The following ZNF619 variants were observed in gnomAD, a reference collection of about 807,000 sequenced individuals.
ZNF619 encodes the protein zinc finger protein 619.
In ZNF619, 9 loss-of-function variants were observed where a neutral mutation model predicts 14.2. The observed-to-expected ratio is 0.64, with a 90% CI of 0.38 to 1.11. The LOEUF is 1.11. Ranked by LOEUF, ZNF619 falls within the 50% of genes least tolerant of loss-of-function variation. The pLI is 0.01. For synonymous variants in ZNF619, 246 were observed against 252.8 expected (o/e 0.97, Z 0.26); for missense variants, 659 against 680.1 (o/e 0.97, Z 0.34).
chr3:40,483,670 C>A, intron 4 of ZNF619: 1 of 450,250 alleles, frequency 2.2e-6, no homozygotes, highest in Non-Finnish European at 4.4e-6. Context: ...CTTTTGTTGC[C>A]CAGGCTGGAG....
intron 4 of ZNF619, among the ~76,000 whole-genome samples, chr3:40,483,046 CAATA>C (rs145817902): frequency 0.028 from 4,244 of 152,084 alleles, 211 homozygotes; most frequent in African/African-American, 0.097. Flanking sequence ...CCTGTCACTA[CAATA>C]AATAAATAAA....
Position 40,487,799 on chromosome 3 carries a change from GC to G in ZNF619, c.1291del (p.Gln431ArgfsTer83). On this transcript the variant is annotated frameshift_variant, in exon 5 of 5. Transcript: ENST00000432264. LOFTEE classifies it low-confidence loss of function (END_TRUNC). ...RIHNGEKPYE[C>X]QECGKTFSQK... ...CACAATGGGGAGAAACCCTATGAAT[GC>G]CAGGAATGTGGGAAGACATTCAGTC... 1 of 1,614,192 alleles carries G rather than the reference GC, an allele frequency of 6.2e-7. No homozygotes were observed. Among genetic ancestry groups the G allele is most frequent in the Non-Finnish European group, 8.5e-7 (1 of 1,180,030 alleles).
At chr3:40,482,336 C>T (rs1697430800) in intron 3 of ZNF619, 2 of 1,554,388 alleles carry the variant, frequency 1.3e-6, no homozygotes, top group African/African-American at 2.7e-5. Flanking sequence ...TGATCTTGGC[C>T]CTATTGCCTA....
chr3:40,480,418 C>G (rs1467269149), intron 2 of ZNF619, among the ~76,000 whole-genome samples: 1 of 151,932 alleles, frequency 6.6e-6, no homozygotes, highest in Non-Finnish European at 1.5e-5. Context: ...TATTCTGCTT[C>G]TCATCAAAAT....
rs1196166139 is a variant in ZNF619, at chr3:40,490,264, C to T, written c.*2023C>T. 2 of 152,132 alleles carry T rather than the reference C, an allele frequency of 1.3e-5. No individual in the cohort carries two copies. The highest frequency in any genetic ancestry group is 1.9e-4 in the East Asian group (1 of 5,198). The allele number at this position is 152,132 out of a possible 1,614,324, so 9.4% of individuals were successfully genotyped here. On this transcript the variant is annotated 3_prime_UTR_variant, in exon 5 of 5. Coordinates refer to ENST00000432264, the MANE Select transcript of ZNF619 (RefSeq NM_001145093.4). ...CCAGTCTATGGTATTCAGTTAGAGC[C>T]ACACAAAATGTAACAAGACAGAATA...
chr3:40,487,238 A>G lies in ZNF619; in HGVS notation c.728A>G (p.Tyr243Cys). Residue 243 changes from tyrosine (Y) to cysteine (C), a missense_variant, in exon 5 of 5, where the codon TAT (tyrosine) becomes TGT (cysteine). Tyr to Cys is a radical substitution (Grantham distance 194, BLOSUM62 -2). Transcript: ENST00000432264. ...TCKECGKTFR[Y>C]NSKLSRHQKI... ...AAAGAATGTGGGAAAACCTTCAGAT[A>G]TAACTCAAAACTGTCACGGCATCAG... 6.2e-7 allele frequency: 1 copy of G among 1,614,238 alleles called. No individual in the cohort carries two copies.
Position 40,487,944 on chromosome 3 carries a change from T to C in ZNF619, c.1434T>C (p.His478=). The C allele has an allele frequency of 1.2e-6, 2 of 1,614,174 alleles. No individual in the cohort carries two copies. Among genetic ancestry groups the C allele is most frequent in the Non-Finnish European group, 1.7e-6 (2 of 1,180,020 alleles). Residue 478 remains histidine (H), a synonymous_variant, in exon 5 of 5, where the codon CAT becomes CAC. Transcript: ENST00000432264. The stretch of plus-strand genomic sequence containing the variant: ...GTTTCATCCAGCATCAGAAGTGGCA[T>C]ACTAGGAAGAAACTCATCAATGGAA... ...NASFIQHQKW[H]TRKKLINGTG...
intron 3 of ZNF619, 86 bp from the exon 4 acceptor site, chr3:40,482,502 A>G (rs1697438577): frequency 1.3e-6 from 2 of 1,558,118 alleles, no homozygotes; most frequent in South Asian, 1.1e-5. Context: ...ATCCTCTTCT[A>G]TTTTCATCTG....
Position 40,487,028 on chromosome 3 carries a change from C to T in ZNF619, c.518C>T (p.Thr173Ile), listed in dbSNP as rs2125643403. 6.2e-7 allele frequency: 1 copy of T among 1,614,124 alleles called. No individual in the cohort carries two copies. The highest frequency in any genetic ancestry group is 8.5e-7 in the Non-Finnish European group (1 of 1,180,018). The change falls in exon 5 of 5, where the codon ACT (threonine) becomes ATT (isoleucine). Residue 173 changes from threonine (T) to isoleucine (I), a missense_variant. By Grantham distance (89) the Thr-to-Ile change is moderately conservative (BLOSUM62 -1). Coordinates refer to ENST00000432264, the MANE Select transcript of ZNF619 (RefSeq NM_001145093.4). ...LTVQDHESSTTEREEIARKLE... is the reference protein window; with the variant it reads ...LTVQDHESSTIEREEIARKLE... ...GTCCAGGATCATGAATCTTCCACCA[C>T]TGAAAGGGAGGAGATAGCCAGGAAA...
chr3:40,480,713 G>C (rs1478091179), intron 2 of ZNF619, among the ~76,000 whole-genome samples: 1 of 152,074 alleles, frequency 6.6e-6, no homozygotes, highest in Non-Finnish European at 1.5e-5. Context: ...TGTTAGCCAG[G>C]ATGGTCTTGA....
rs1559542615 is a variant in ZNF619 at position 40,488,979 on chromosome 3, G to A, written c.*738G>A. ...TGGCCTGCTTTCAGGAGTTAAGGAG[G>A]GCCATTTGGTGGACCAGGGGCAAGG... is the stretch of plus-strand genomic sequence containing the variant. On this transcript the variant is annotated 3_prime_UTR_variant, in exon 5 of 5. Coordinates refer to ENST00000432264, the MANE Select transcript of ZNF619 (RefSeq NM_001145093.4). The A allele has an allele frequency of 6.6e-6, 1 of 151,774 alleles. No individual in the cohort carries two copies. Among genetic ancestry groups the A allele is most frequent in the Non-Finnish European group, 1.5e-5 (1 of 67,984 alleles). The allele number at this position is 151,774 out of a possible 1,614,324, so 9.4% of individuals were successfully genotyped here.
rs1480923640 is a variant in ZNF619, at chr3:40,487,565, G to A, written c.1055G>A (p.Ser352Asn). ...KPYECKECGK[S>N]LSSNSVLIQH... is the part of the protein sequence containing the mutation. ...TATGAATGTAAGGAGTGTGGGAAGA[G>A]TTTGAGTTCTAATTCAGTTCTGATT... The change falls in exon 5 of 5, where the codon AGT becomes AAT. Residue 352 changes from serine to asparagine, a missense_variant. Physicochemically the swap from Ser to Asn is conservative, Grantham distance 46. Coordinates refer to ENST00000432264, the MANE Select transcript of ZNF619 (RefSeq NM_001145093.4). The A allele has an allele frequency of 5.0e-6, 8 of 1,613,634 alleles. No homozygotes were observed. The highest frequency in any genetic ancestry group is 6.8e-6 in the Non-Finnish European group (8 of 1,179,928).
At position 40,477,479 on chromosome 3, in the gene ZNF619, T is replaced by C. The variant is rs551061238; in HGVS notation, c.-63+122T>C. Reference sequence around the variant, plus strand: ...GCTGGGACATTAAGCGTCTTACCCTTGTCACCCGGGGCTGGGTCACCACTT... The same window carrying C: ...GCTGGGACATTAAGCGTCTTACCCTCGTCACCCGGGGCTGGGTCACCACTT... On this transcript the variant is annotated intron_variant, in intron 1 of 4. Transcript: ENST00000432264. 8 of 161,328 alleles carry C rather than the reference T, an allele frequency of 5.0e-5. No individual in the cohort carries two copies. In the South Asian group the frequency reaches 1.2e-3, roughly 25 times the overall value. 10.0% of individuals were successfully genotyped at this position (161,328 alleles called of 1,614,324 possible).
chr3:40,487,014 T>C lies in ZNF619; in HGVS notation c.504T>C (p.His168=). 6.2e-7 allele frequency: 1 copy of C among 1,614,138 alleles called. No homozygotes were observed. Among genetic ancestry groups the C allele is most frequent in the Non-Finnish European group, 8.5e-7 (1 of 1,180,006 alleles). ...GDCTDLTVQD[H]ESSTTEREEI... ...GCACAGATTTGACAGTCCAGGATCA[T>C]GAATCTTCCACCACTGAAAGGGAGG... Residue 168 remains histidine, a synonymous_variant, in exon 5 of 5, where the codon CAT becomes CAC. Coordinates refer to ENST00000432264, the MANE Select transcript of ZNF619 (RefSeq NM_001145093.4).
Position 40,487,598 on chromosome 3 carries a change from A to C in ZNF619, c.1088A>C (p.Gln363Pro). ...TCTAATTCAGTTCTGATTCAGCATC[A>C]GAGAATCCACACTGGGGAGAAACCT... ...LSSNSVLIQH[Q>P]RIHTGEKPYE... The change falls in exon 5 of 5, where the codon CAG (glutamine) becomes CCG (proline). Residue 363 changes from glutamine to proline, a missense_variant. Gln to Pro is a moderately conservative substitution (Grantham distance 76, BLOSUM62 -1). Coordinates refer to ENST00000432264, the MANE Select transcript of ZNF619 (RefSeq NM_001145093.4). 6.2e-7 allele frequency: 1 copy of C among 1,614,252 alleles called. No individual in the cohort carries two copies. The highest frequency in any genetic ancestry group is 8.5e-7 in the Non-Finnish European group (1 of 1,180,046).
At position 40,488,411 on chromosome 3, in the gene ZNF619, T is replaced by TC. The variant is rs976835538; in HGVS notation, c.*175dup. ...GACCATGTTTGATTAGTTTCTTTTA[T>TC]CCCCCGGTAGGAAATGGCAGTACTT... On this transcript the variant is annotated 3_prime_UTR_variant, in exon 5 of 5. Coordinates refer to ENST00000432264, the MANE Select transcript of ZNF619 (RefSeq NM_001145093.4). 1.7e-6 allele frequency: 1 copy of TC among 576,822 alleles called. No homozygotes were observed. Among genetic ancestry groups the TC allele is most frequent in the African/African-American group, 1.9e-5 (1 of 53,558 alleles). The allele number at this position is 576,822 out of a possible 1,614,324, so 35.7% of individuals were successfully genotyped here. A position where few individuals can be genotyped will look rare whatever the true frequency, so the allele number is the denominator to read the frequency against.
At position 40,487,390 on chromosome 3, in the gene ZNF619, G is replaced by A; in HGVS notation, c.880G>A (p.Gly294Ser). The change falls in exon 5 of 5, where the codon GGT (glycine) becomes AGT (serine). Residue 294 changes from glycine (G) to serine (S), a missense_variant. Physicochemically the swap from Gly to Ser is moderately conservative, Grantham distance 56 (BLOSUM62 0). Transcript: ENST00000432264. ...GQRPYECTDC[G>S]KTFSYNSKLI... is the part of the protein sequence containing the mutation. ...GAGGCCCTATGAATGTACTGACTGTGGTAAAACCTTCAGTTATAATTCAAA... is the reference window on the plus strand; with the variant it reads ...GAGGCCCTATGAATGTACTGACTGTAGTAAAACCTTCAGTTATAATTCAAA... 3 of 1,614,200 alleles carry A rather than the reference G, an allele frequency of 1.9e-6. No homozygotes were observed. Among genetic ancestry groups the A allele is most frequent in the Non-Finnish European group, 2.5e-6 (3 of 1,180,044 alleles).
At chr3:40,482,847 C>T in intron 4 of ZNF619, 143 bp downstream of exon 4, 1 of 636,812 alleles carries the variant, frequency 1.6e-6, no homozygotes, top group Non-Finnish European at 2.7e-6. Flanking sequence ...GTGTTGCTTA[C>T]CAGAACTTCA....
intron 4 of ZNF619, among the ~76,000 whole-genome samples, chr3:40,483,262 T>G (rs1398321495): frequency 6.6e-6 from 1 of 151,242 alleles, no homozygotes; most frequent in East Asian, 1.9e-4. Context: ...CTCAGGAATA[T>G]AAACACAATA....
Sources: gnomAD v4.1 joint callset for allele counts (sites outside exome capture counted in the v4.1 genomes callset) on GRCh38, gnomAD v4.1.1 for gene constraint, MANE v1.5 for transcripts, NCBI Gene and HGNC (gene_info 2026-07-23, HGNC 2026-07-21) for gene names.